The following AFF3 variants were observed in gnomAD, a reference collection of about 807,000 sequenced individuals.
AFF3 encodes ALF transcription elongation factor 3.
A neutral mutation model predicts 129.7 loss-of-function variants in AFF3; 32 were observed. The ratio of observed to expected loss-of-function variants is 0.25; its 90% CI spans 0.19 to 0.33. The LOEUF (loss-of-function observed/expected upper bound fraction) is 0.33, where lower values mean the gene tolerates loss of function less well. AFF3 is among the 10% of genes least tolerant of loss of function. AFF3 has a pLI of 1.00. For missense variants in AFF3, 1,373 were observed against 1,592.0 expected (o/e 0.86, Z 2.34); for synonymous variants, 644 against 635.4 (o/e 1.01, Z -0.20).
chr2:99,758,776 A>G (rs1419669499), intron 8 of AFF3, among the ~76,000 whole-genome samples: 1 of 152,146 alleles, frequency 6.6e-6, no homozygotes, highest in Admixed American at 6.5e-5. Flanking sequence ...CAAGGAAGTT[A>G]AAGCTCAAAA....
intron 7 of AFF3, among the ~76,000 whole-genome samples, chr2:99,847,712 C>G (rs919519345): frequency 6.6e-6 from 1 of 151,960 alleles, no homozygotes; most frequent in Non-Finnish European, 1.5e-5. Flanking sequence ...TTTTTCAGAG[C>G]TGGCTTCAGA....
chr2:100,094,794 G>A (rs1348439279), intron 4 of AFF3, among the ~76,000 whole-genome samples: 3,569 of 128,510 alleles, frequency 0.028, no homozygotes, highest in African/African-American at 0.053. Context: ...AGAGTCTATG[G>A]CCAGTGAAGA....
intron 22 of AFF3, among the ~76,000 whole-genome samples, chr2:99,556,187 T>C: frequency 6.6e-6 from 1 of 152,238 alleles, no homozygotes; most frequent in African/African-American, 2.4e-5. Flanking sequence ...CTCACGCCTG[T>C]AATCCCAGCA....
intron 9 of AFF3, 106 bp downstream of exon 9, chr2:99,752,115 G>A: frequency 9.9e-7 from 1 of 1,015,166 alleles, no homozygotes; most frequent in Non-Finnish European, 1.5e-6. Flanking sequence ...CGTGCCTCTG[G>A]CAGGAATATT....
chr2:99,562,559 C>T (rs1291306947), intron 20 of AFF3, among the ~76,000 whole-genome samples: 1 of 152,186 alleles, frequency 6.6e-6, no homozygotes, highest in East Asian at 1.9e-4. Flanking sequence ...TGAGTGATAA[C>T]TGTGATTATT....
chr2:99,679,388 C>G (rs1674315018), intron 11 of AFF3, among the ~76,000 whole-genome samples: 1 of 152,128 alleles, frequency 6.6e-6, no homozygotes, highest in South Asian at 2.1e-4. Flanking sequence ...TGGTCCTTTT[C>G]TCCACTGACA....
At chr2:99,743,251 CT>C (rs1408579008) in intron 10 of AFF3, among the ~76,000 whole-genome samples, 3 of 152,234 alleles carry the variant, frequency 2.0e-5, no homozygotes, top group Non-Finnish European at 4.4e-5. Context: ...GAAAATTCTG[CT>C]GCTTCCCAGT....
intron 4 of AFF3, among the ~76,000 whole-genome samples, chr2:100,027,409 T>C (rs1168434471): frequency 6.6e-6 from 1 of 152,190 alleles, no homozygotes; most frequent in Non-Finnish European, 1.5e-5. Context: ...TTCCAAGAGA[T>C]ACAGGACCTC....
intron 2 of AFF3, among the ~76,000 whole-genome samples, chr2:100,122,830 CA>C (rs1406626586): frequency 6.6e-6 from 1 of 152,146 alleles, no homozygotes; most frequent in Admixed American, 6.5e-5. Flanking sequence ...ATACCGGCAA[CA>C]AAGAAAACTA....
intron 11 of AFF3, among the ~76,000 whole-genome samples, chr2:99,695,938 GAAAAA>G (rs10719354): frequency 2.1e-4 from 12 of 57,656 alleles, no homozygotes; most frequent in African/African-American, 6.5e-4. Context: ...CTGGAAAAAT[GAAAAA>G]AAAAAAAAAA....
chr2:100,033,169 C>T (rs1684647488), intron 4 of AFF3, among the ~76,000 whole-genome samples: 2 of 152,162 alleles, frequency 1.3e-5, no homozygotes, highest in Admixed American at 1.3e-4. Context: ...GATGGAGTTT[C>T]TCTTTGCCTG....
chr2:100,043,408 G>T (rs1685593730), intron 4 of AFF3, among the ~76,000 whole-genome samples: 1 of 152,300 alleles, frequency 6.6e-6, no homozygotes, highest in East Asian at 1.9e-4. Context: ...AGGCTTGAAG[G>T]CATGAGCAAA....
chr2:99,804,288 C>T (rs577156442), intron 8 of AFF3, among the ~76,000 whole-genome samples: 2 of 152,214 alleles, frequency 1.3e-5, no homozygotes, highest in South Asian at 2.1e-4. Flanking sequence ...CATGAATAGA[C>T]ATTTTTCAAA....
chr2:99,662,977 G>A (rs1686376192), intron 12 of AFF3, among the ~76,000 whole-genome samples: 1 of 152,182 alleles, frequency 6.6e-6, no homozygotes, highest in Admixed American at 6.5e-5. Context: ...CAGGCCAAGA[G>A]CGTCAGGATC....
intron 7 of AFF3, among the ~76,000 whole-genome samples, chr2:99,953,664 T>C (rs755605944): frequency 7.2e-5 from 11 of 152,218 alleles, no homozygotes; most frequent in Non-Finnish European, 1.3e-4. Flanking sequence ...GTAATACCCA[T>C]TCTGGGGCTC....
intron 4 of AFF3, among the ~76,000 whole-genome samples, chr2:100,018,160 A>T (rs1287957889): frequency 1.3e-5 from 2 of 152,148 alleles, no homozygotes; most frequent in Non-Finnish European, 2.9e-5. Flanking sequence ...TTTCAAACAG[A>T]AGATTTCAGA....
intron 8 of AFF3, among the ~76,000 whole-genome samples, chr2:99,797,772 G>T (rs1423515126): frequency 6.6e-6 from 1 of 151,964 alleles, no homozygotes; most frequent in East Asian, 1.9e-4. Context: ...CCAAAACATG[G>T]AAAGAAAATA....
At chr2:100,026,072 T>A (rs1414627845) in intron 4 of AFF3, among the ~76,000 whole-genome samples, 1 of 151,928 alleles carries the variant, frequency 6.6e-6, no homozygotes, top group Non-Finnish European at 1.5e-5. Context: ...ACTAAAGAGC[T>A]TTTGCACGGC....
intron 12 of AFF3, among the ~76,000 whole-genome samples, chr2:99,671,863 G>T (rs756007009): frequency 1.9e-4 from 29 of 152,132 alleles, no homozygotes; most frequent in Non-Finnish European, 3.8e-4. Flanking sequence ...AAGTGAAAGT[G>T]ATGAATGTTA....
Sources: allele counts gnomAD v4.1 joint callset (sites outside exome capture counted in the v4.1 genomes callset), GRCh38; gene constraint gnomAD v4.1.1; transcripts MANE v1.5; gene names NCBI Gene and HGNC (gene_info 2026-07-23, HGNC 2026-07-21).